The following ACTR3 variants were observed in gnomAD, a reference collection of about 807,000 sequenced individuals.
The protein encoded by ACTR3 is actin related protein 3, also known as actin-related protein 3.
Under a neutral mutation model 56.8 loss-of-function variants are expected in ACTR3, and 12 were observed. The observed-to-expected ratio is 0.21, with a 90% CI of 0.14 to 0.34. ACTR3 has a LOEUF of 0.34. Among genes scored for constraint, ACTR3 ranks in the 10% least tolerant of loss-of-function variants. The probability of loss-of-function intolerance (pLI) is 1.00; values close to 1 mark genes in which losing one functional copy is unlikely to be tolerated. For synonymous variants in ACTR3, 162 were observed against 167.4 expected (o/e 0.97, Z 0.25); for missense variants, 282 against 512.5 (o/e 0.55, Z 4.34).
intron 7 of ACTR3, 62 bp from the exon 8 acceptor site, chr2:113,942,124 C>T: frequency 7.9e-7 from 1 of 1,272,112 alleles, no homozygotes; most frequent in Non-Finnish European, 1.1e-6. Flanking sequence ...GAAAACATGC[C>T]ATTCTTCTTT....
chr2:113,936,201 A>G (rs973211968), intron 6 of ACTR3, among the ~76,000 whole-genome samples: 13 of 151,332 alleles, frequency 8.6e-5, no homozygotes, highest in Non-Finnish European at 1.3e-4. Context: ...CTGAGGAGGG[A>G]AGATAACCTG....
At chr2:113,919,079 T>C (rs1679460109) in intron 3 of ACTR3, among the ~76,000 whole-genome samples, 1 of 152,240 alleles carries the variant, frequency 6.6e-6, no homozygotes, top group Non-Finnish European at 1.5e-5. Context: ...TTTGTCTATA[T>C]AATCTTTCCA....
Position 113,930,872 on chromosome 2 carries a change from C to T in ACTR3, c.337-429C>T, listed in dbSNP as rs1315410180. Among the ~76,000 whole-genome samples, 5 of 152,172 alleles carry T rather than the reference C, an allele frequency of 3.3e-5. 1 individual carries two copies. The East Asian group carries it at 5.8e-4, about 18-fold the overall frequency. The stretch of plus-strand genomic sequence containing the variant: ...TTGTTTACTGTAATCCTATATACTT[C>T]GGGGACATTCATCTAAAAGCATTAC... On this transcript the variant is annotated intron_variant, in intron 4 of 11. Coordinates refer to ENST00000263238, the MANE Select transcript of ACTR3 (RefSeq NM_005721.5).
chr2:113,947,156 C>T (rs538871676), intron 8 of ACTR3, among the ~76,000 whole-genome samples: 53 of 152,244 alleles, frequency 3.5e-4, no homozygotes, highest in African/African-American at 1.1e-3. Flanking sequence ...CATCAATTAA[C>T]TTGAAATTGA....
chr2:113,922,449 T>C (rs1679528086), intron 3 of ACTR3, among the ~76,000 whole-genome samples: 1 of 152,210 alleles, frequency 6.6e-6, no homozygotes. Flanking sequence ...GACTGTTGGC[T>C]TCTGCTGCTT....
intron 8 of ACTR3, among the ~76,000 whole-genome samples, chr2:113,947,958 G>C (rs6742452): frequency 0.026 from 4,024 of 152,012 alleles, 143 homozygotes; most frequent in African/African-American, 0.077. Context: ...TTAAAAATCA[G>C]TTATATATAT....
intron 3 of ACTR3, among the ~76,000 whole-genome samples, chr2:113,920,734 A>G (rs1433931827): frequency 6.6e-6 from 1 of 152,192 alleles, no homozygotes; most frequent in East Asian, 1.9e-4. Context: ...ATGAATGAGA[A>G]CATGCAATTT....
At chr2:113,927,579 A>G (rs1165371251) in intron 4 of ACTR3, 124 bp downstream of exon 4, 10 of 607,858 alleles carry the variant, frequency 1.6e-5, no homozygotes, top group Non-Finnish European at 2.6e-5. Context: ...ACTTTGTAAT[A>G]AAGCTGTATC....
intron 8 of ACTR3, among the ~76,000 whole-genome samples, chr2:113,945,278 C>G (rs888703424): frequency 2.0e-5 from 3 of 152,194 alleles, no homozygotes. Context: ...GCTCTTCACC[C>G]TCCTGCTGCC....
intron 3 of ACTR3, among the ~76,000 whole-genome samples, chr2:113,924,837 C>T (rs146553474): frequency 1.3e-5 from 2 of 152,170 alleles, no homozygotes; most frequent in African/African-American, 4.8e-5. Flanking sequence ...ATGACCTCCT[C>T]AGCGAAACCT....
upstream of ACTR3, chr2:113,890,045 A>G (rs1341345894): frequency 1.8e-6 from 1 of 550,770 alleles, no homozygotes; most frequent in South Asian, 1.9e-5. Flanking sequence ...AGAGAGGGGG[A>G]GGAGGCCGCG....
intron 11 of ACTR3, 140 bp downstream of exon 11, chr2:113,955,846 A>G: frequency 1.8e-6 from 1 of 568,904 alleles, no homozygotes; most frequent in Non-Finnish European, 3.0e-6. Context: ...CTCCTGGGTT[A>G]AAGTGATTCT....
At chr2:113,916,414 T>C (rs554357653) in intron 2 of ACTR3, among the ~76,000 whole-genome samples, 1 of 152,312 alleles carries the variant, frequency 6.6e-6, no homozygotes, top group Non-Finnish European at 1.5e-5. Context: ...ACCACAATAG[T>C]AATTACTGTT....
intron 6 of ACTR3, among the ~76,000 whole-genome samples, chr2:113,936,453 T>C (rs933282865): frequency 1.3e-5 from 2 of 152,230 alleles, no homozygotes; most frequent in African/African-American, 4.8e-5. Context: ...TGTTGTCATT[T>C]GTTTGTTTTT....
Position 113,917,933 on chromosome 2 carries a change from A to G in ACTR3, c.225+925A>G, listed in dbSNP as rs181693209. On this transcript the variant is annotated intron_variant, in intron 3 of 11. Coordinates refer to ENST00000263238, the MANE Select transcript of ACTR3 (RefSeq NM_005721.5). The stretch of plus-strand genomic sequence containing the variant: ...GGAATCAGGAATGTCCTCGAGGAGT[A>G]AATCTTTAAGCTGAGGCTTGAAGAA... 3.7e-3 allele frequency among the ~76,000 whole-genome samples: 558 copies of G among 152,328 alleles called. 3 individuals are homozygous for G. The highest frequency in any genetic ancestry group is 5.6e-3 in the Non-Finnish European group (381 of 68,020).
intron 1 of ACTR3, among the ~76,000 whole-genome samples, chr2:113,908,781 T>C (rs974445148): frequency 6.6e-6 from 1 of 152,118 alleles, no homozygotes; most frequent in African/African-American, 2.4e-5. Flanking sequence ...TTCAGCACTT[T>C]ACTCCCTGCG....
intron 1 of ACTR3, 174 bp downstream of exon 1, chr2:113,890,497 C>A (rs1332786883): frequency 3.0e-6 from 4 of 1,323,070 alleles, no homozygotes; most frequent in Non-Finnish European, 4.0e-6. Flanking sequence ...CGGGTCCCCT[C>A]GTTTCTCCCT....
chr2:113,893,032 A>G (rs1323680422), intron 1 of ACTR3, among the ~76,000 whole-genome samples: 7 of 152,214 alleles, frequency 4.6e-5, no homozygotes, highest in African/African-American at 1.7e-4. Context: ...TGATACCCTT[A>G]TCTACACACT....
rs1679642283 is a variant in ACTR3, at chr2:113,927,444, T to C, written c.325T>C (p.Tyr109His). The C allele has an allele frequency of 1.3e-6, 2 of 1,587,076 alleles. No homozygotes were observed. The highest frequency in any genetic ancestry group is 1.8e-5 in the Admixed American group (1 of 56,710). ...TTTAAGGGCAGAACCTGAAGACCAT[T>C]ATTTTCTTTTGGTAAGTTACAAGTT... The part of the protein sequence containing the change: ...KYLRAEPEDH[Y>H]FLLTEPPLNT... The change falls in exon 4 of 12, where the codon TAT (tyrosine) becomes CAT (histidine). Residue 109 changes from tyrosine to histidine, a missense_variant. Transcript: ENST00000263238.
Sources: gnomAD v4.1 joint callset for allele counts (sites outside exome capture counted in the v4.1 genomes callset) on GRCh38, gnomAD v4.1.1 for gene constraint, MANE v1.5 for transcripts, NCBI Gene and HGNC (gene_info 2026-07-23, HGNC 2026-07-21) for gene names.